TENM4: variants seen among roughly 807,000 people sequenced by gnomAD.
TENM4 encodes the protein teneurin-4.
A neutral mutation model predicts 243.3 loss-of-function variants in TENM4; 82 were observed. The ratio of observed to expected loss-of-function variants is 0.34; its 90% CI spans 0.28 to 0.40. The LOEUF (loss-of-function observed/expected upper bound fraction) is 0.40. Among genes scored for constraint, TENM4 ranks in the 10% least tolerant of loss-of-function variants. The probability of loss-of-function intolerance (pLI) is 1.00; values close to 1 mark genes in which losing one functional copy is unlikely to be tolerated. For missense variants in TENM4, 3,138 were observed against 3,673.3 expected, an observed-to-expected ratio of 0.85 and a Z score of 3.77; for synonymous variants, 1,412 against 1,456.3, an observed-to-expected ratio of 0.97 and a Z score of 0.69.
chr11:78,861,114 A>G (rs994719477), intron 10 of TENM4, among the ~76,000 whole-genome samples: 1 of 152,234 alleles, frequency 6.6e-6, no homozygotes, highest in Non-Finnish European at 1.5e-5. Flanking sequence ...ATGCTGATCT[A>G]AAGACAGTCT....
chr11:79,152,825 G>A lies in TENM4; in HGVS notation c.-162-4019C>T, dbSNP rs114423428. 5.8e-3 allele frequency among the ~76,000 whole-genome samples: 884 copies of A among 152,348 alleles called. 9 individuals carry two copies. The highest frequency in any genetic ancestry group is 0.02 in the African/African-American group (849 of 41,584). On this transcript the variant is annotated intron_variant, in intron 3 of 33. Coordinates refer to ENST00000278550, the MANE Select transcript of TENM4 (RefSeq NM_001098816.3). ...AATGGTCAATGTTCATCCTTTTAGT[G>A]AGCAGGAAGATGTCCAAACTCACCT...
chr11:79,301,388 C>G (rs752951959), intron 1 of TENM4, among the ~76,000 whole-genome samples: 5 of 152,180 alleles, frequency 3.3e-5, no homozygotes, highest in Non-Finnish European at 7.3e-5. Flanking sequence ...GTGCTGCTCC[C>G]TTGGGCTGAA....
intron 20 of TENM4, among the ~76,000 whole-genome samples, chr11:78,734,992 A>G (rs2135889654): frequency 6.6e-6 from 1 of 152,332 alleles, no homozygotes; most frequent in South Asian, 2.1e-4. Flanking sequence ...TCAATGCAGG[A>G]TCTGATCTTG....
intron 4 of TENM4, among the ~76,000 whole-genome samples, chr11:79,114,996 G>C (rs1179932833): frequency 6.6e-6 from 1 of 152,186 alleles, no homozygotes; most frequent in Non-Finnish European, 1.5e-5. Flanking sequence ...AGCAGATCAA[G>C]TCTGTCCCTG....
chr11:78,859,415 C>A (rs563448635), intron 10 of TENM4, among the ~76,000 whole-genome samples: 1 of 152,270 alleles, frequency 6.6e-6, no homozygotes, highest in South Asian at 2.1e-4. Context: ...TGATAATAGT[C>A]CTTTGCTTTG....
At chr11:79,146,268 T>C (rs915358980) in intron 4 of TENM4, among the ~76,000 whole-genome samples, 1 of 152,080 alleles carries the variant, frequency 6.6e-6, no homozygotes, top group African/African-American at 2.4e-5. Flanking sequence ...CACACCAACA[T>C]TGGCCTGGAT....
At chr11:79,276,829 G>A (rs930208064) in intron 2 of TENM4, among the ~76,000 whole-genome samples, 2 of 152,258 alleles carry the variant, frequency 1.3e-5, no homozygotes, top group East Asian at 3.9e-4. Context: ...ATCCTGGGGA[G>A]AAGGAAATCA....
chr11:79,429,076 G>C (rs1397003807), intron 1 of TENM4, among the ~76,000 whole-genome samples: 9 of 152,162 alleles, frequency 5.9e-5, no homozygotes, highest in Admixed American at 5.2e-4. Flanking sequence ...TCTAGTGCCT[G>C]ACAGCAGCTC....
chr11:78,934,997 CT>C (rs530062569), intron 6 of TENM4, among the ~76,000 whole-genome samples: 9 of 81,106 alleles, frequency 1.1e-4, no homozygotes, highest in African/African-American at 4.7e-4. Context: ...AAGTATGCAA[CT>C]TTTTTTTTTT....
At chr11:79,097,499 T>C (rs1473253890) in intron 4 of TENM4, 1 of 152,162 alleles carries the variant, frequency 6.6e-6, no homozygotes, top group Non-Finnish European at 1.5e-5. Context: ...AAAGTTCAGC[T>C]TGCTTCCTCC....
intron 6 of TENM4, among the ~76,000 whole-genome samples, chr11:78,911,340 C>A (rs1856180607): frequency 6.6e-6 from 1 of 152,172 alleles, no homozygotes; most frequent in Non-Finnish European, 1.5e-5. Context: ...TGTTTGCCTC[C>A]TCCAGCCCCA....
chr11:79,306,081 G>C (rs1856621654), intron 1 of TENM4, among the ~76,000 whole-genome samples: 1 of 152,240 alleles, frequency 6.6e-6, no homozygotes, highest in Non-Finnish European at 1.5e-5. Context: ...GCCACGGACA[G>C]GGTGACTGGG....
intron 6 of TENM4, among the ~76,000 whole-genome samples, chr11:79,039,416 T>G (rs2136893610): frequency 6.6e-6 from 1 of 152,258 alleles, no homozygotes; most frequent in South Asian, 2.1e-4. Flanking sequence ...CAGGAAGCTG[T>G]GAGACGCAGA....
intron 12 of TENM4, among the ~76,000 whole-genome samples, chr11:78,851,319 G>A (rs1051523481): frequency 3.3e-5 from 5 of 152,164 alleles, no homozygotes; most frequent in Admixed American, 6.5e-5. Flanking sequence ...AGGAAGTGAA[G>A]ACAGGTGTCC....
chr11:79,331,682 T>C (rs1857064240), intron 1 of TENM4, among the ~76,000 whole-genome samples: 1 of 152,200 alleles, frequency 6.6e-6, no homozygotes, highest in African/African-American at 2.4e-5. Context: ...AAGTGACACA[T>C]TAGCTCCCTC....
chr11:79,170,224 C>A (rs1316455913), intron 3 of TENM4, among the ~76,000 whole-genome samples: 1 of 152,070 alleles, frequency 6.6e-6, no homozygotes, highest in African/African-American at 2.4e-5. Context: ...TTCATGAAGG[C>A]TTGGGTGGGA....
intron 2 of TENM4, among the ~76,000 whole-genome samples, chr11:79,288,587 G>A (rs895986114): frequency 1.3e-5 from 2 of 152,220 alleles, no homozygotes; most frequent in Non-Finnish European, 2.9e-5. Flanking sequence ...CACAGGCTTT[G>A]GGAGACAACA....
At chr11:79,245,770 T>C (rs939079242) in intron 2 of TENM4, among the ~76,000 whole-genome samples, 13 of 151,506 alleles carry the variant, frequency 8.6e-5, no homozygotes, top group African/African-American at 2.7e-4. Flanking sequence ...TGAAACCCTG[T>C]CTCTAATACA....
intron 12 of TENM4, 49 bp downstream of exon 12, chr11:78,854,055 A>G (rs1226282032): frequency 9.2e-6 from 14 of 1,515,132 alleles, no homozygotes; most frequent in African/African-American, 1.4e-5. Context: ...GCAGCCTCCG[A>G]CCAAAAGAGA....
Sources: gnomAD v4.1 joint callset for allele counts (sites outside exome capture counted in the v4.1 genomes callset) on GRCh38, gnomAD v4.1.1 for gene constraint, MANE v1.5 for transcripts, NCBI Gene and HGNC (gene_info 2026-07-23, HGNC 2026-07-21) for gene names.